Variants in PPARGC1A observed in about 807,000 individuals in gnomAD.
The protein encoded by PPARGC1A is peroxisome proliferator-activated receptor gamma coactivator 1-alpha.
Under a neutral mutation model 88.7 loss-of-function variants are expected in PPARGC1A, and 25 were observed. The ratio of observed to expected loss-of-function variants is 0.28; its 90% CI spans 0.21 to 0.39. The LOEUF (loss-of-function observed/expected upper bound fraction) is 0.39. Ranked by LOEUF, PPARGC1A falls within the 10% of genes least tolerant of loss-of-function variation. The probability of loss-of-function intolerance (pLI) is 1.00; values close to 1 mark genes in which losing one functional copy is unlikely to be tolerated. For missense variants in PPARGC1A, 880 were observed against 968.7 expected (o/e 0.91, Z 1.22); for synonymous variants, 363 against 355.6 (o/e 1.02, Z -0.24).
chr4:23,989,774 C>T, the PPARGC1A span, among the ~76,000 whole-genome samples: 1 of 151,738 alleles, frequency 6.6e-6, no homozygotes, highest in Non-Finnish European at 1.5e-5. Context: ...ATATCATGAA[C>T]TTATTAATGT....
the PPARGC1A span, among the ~76,000 whole-genome samples, chr4:24,206,432 T>C: frequency 6.6e-6 from 1 of 152,120 alleles, no homozygotes; most frequent in Admixed American, 6.5e-5. Context: ...TGACTATAAG[T>C]TACATGAAAG....
chr4:24,414,960 C>T, the PPARGC1A span, among the ~76,000 whole-genome samples: 3 of 152,078 alleles, frequency 2.0e-5, no homozygotes, highest in East Asian at 5.8e-4. Flanking sequence ...GAGGCCGAGG[C>T]AGGTGGATCA....
chr4:24,005,133 A>T, the PPARGC1A span, among the ~76,000 whole-genome samples: 1 of 152,210 alleles, frequency 6.6e-6, no homozygotes, highest in Non-Finnish European at 1.5e-5. Context: ...AAGGATTTAA[A>T]TTTTAAAAGC....
chr4:24,093,266 G>A, the PPARGC1A span, among the ~76,000 whole-genome samples: 1 of 152,210 alleles, frequency 6.6e-6, no homozygotes, highest in East Asian at 1.9e-4. Flanking sequence ...AGATCCCACT[G>A]GCTGTTTTGA....
At chr4:24,251,457 G>A in the PPARGC1A span, among the ~76,000 whole-genome samples, 2 of 152,100 alleles carry the variant, frequency 1.3e-5, no homozygotes, top group East Asian at 1.9e-4. Context: ...ATGCTGTCCC[G>A]CTTTTTCGGG....
chr4:24,128,636 T>C, the PPARGC1A span, among the ~76,000 whole-genome samples: 6 of 151,894 alleles, frequency 4.0e-5, no homozygotes, highest in African/African-American at 1.5e-4. Context: ...TCAGTATATG[T>C]GTGGGTGTGG....
intron 2 of PPARGC1A, chr4:23,866,029 A>G (rs140854029): frequency 2.6e-5 from 4 of 152,330 alleles, no homozygotes; most frequent in Non-Finnish European, 5.9e-5. Flanking sequence ...AGTTGTTTGT[A>G]TACACTATAT....
At chr4:23,845,831 G>A (rs533325147) in intron 2 of PPARGC1A, among the ~76,000 whole-genome samples, 2 of 152,282 alleles carry the variant, frequency 1.3e-5, no homozygotes, top group South Asian at 2.1e-4. Context: ...CAAAGCATCT[G>A]AGCAAGTTTG....
the PPARGC1A span, among the ~76,000 whole-genome samples, chr4:24,031,335 T>C: frequency 6.6e-6 from 1 of 152,200 alleles, no homozygotes; most frequent in Admixed American, 6.5e-5. Flanking sequence ...CTCTGAGGTA[T>C]CCCTGATTTC....
chr4:24,370,749 CTTTTTTTTTTTTTTTTTTTTT>C, the PPARGC1A span, among the ~76,000 whole-genome samples: 2 of 62,868 alleles, frequency 3.2e-5, no homozygotes. Context: ...CTGTCTCTCT[CTTTTTTTTTTTTTTTTTTTTT>C]TTTTTTTTTT....
chr4:23,948,995 A>G, the PPARGC1A span, among the ~76,000 whole-genome samples: 1 of 152,118 alleles, frequency 6.6e-6, no homozygotes, highest in African/African-American at 2.4e-5. Context: ...TTAGAATTTA[A>G]CTCTTAAACC....
chr4:24,259,840 AT>A, the PPARGC1A span, among the ~76,000 whole-genome samples: 1 of 152,232 alleles, frequency 6.6e-6, no homozygotes, highest in South Asian at 2.1e-4. Context: ...ATCATCATAG[AT>A]TTTTTCCACC....
At chr4:24,353,130 A>T in the PPARGC1A span, among the ~76,000 whole-genome samples, 1 of 151,554 alleles carries the variant, frequency 6.6e-6, no homozygotes, top group African/African-American at 2.4e-5. Context: ...TCGAACCAAA[A>T]TCTGGCTTAA....
chr4:24,191,878 G>A, the PPARGC1A span, among the ~76,000 whole-genome samples: 5 of 152,116 alleles, frequency 3.3e-5, no homozygotes, highest in Non-Finnish European at 7.4e-5. Context: ...GCAAAGCACC[G>A]TGGGAGTGAG....
At chr4:23,957,585 C>T in the PPARGC1A span, among the ~76,000 whole-genome samples, 2 of 152,060 alleles carry the variant, frequency 1.3e-5, no homozygotes, top group Non-Finnish European at 2.9e-5. Flanking sequence ...TTTACTGACT[C>T]CAATGTTTAT....
the PPARGC1A span, among the ~76,000 whole-genome samples, chr4:24,464,902 C>T: frequency 6.6e-6 from 1 of 152,324 alleles, no homozygotes. Flanking sequence ...TGAGCCTCCC[C>T]CAGTAGCAAG....
chr4:23,906,647 C>T (rs1212909146), upstream of PPARGC1A, among the ~76,000 whole-genome samples: 1 of 150,266 alleles, frequency 6.7e-6, no homozygotes, highest in Non-Finnish European at 1.5e-5. Context: ...TTCCATGCTA[C>T]AACTGTGTTT....
At chr4:24,391,413 A>C in the PPARGC1A span, among the ~76,000 whole-genome samples, 1 of 152,176 alleles carries the variant, frequency 6.6e-6, no homozygotes, top group Non-Finnish European at 1.5e-5. Flanking sequence ...AGCAAGGTAC[A>C]CTTTCTTCTA....
At chr4:24,342,490 C>T in the PPARGC1A span, among the ~76,000 whole-genome samples, 10 of 150,462 alleles carry the variant, frequency 6.6e-5, no homozygotes, top group Non-Finnish European at 1.0e-4. Flanking sequence ...CAGCCTCCCA[C>T]AACTAAAATA....
Sources: gnomAD v4.1 joint callset for allele counts (sites outside exome capture counted in the v4.1 genomes callset) on GRCh38, gnomAD v4.1.1 for gene constraint, MANE v1.5 for transcripts, NCBI Gene and HGNC (gene_info 2026-07-23, HGNC 2026-07-21) for gene names.